KPNA1: variants seen among roughly 807,000 people sequenced by gnomAD.
KPNA1 encodes the protein importin subunit alpha-5.
In KPNA1, 10 loss-of-function variants were observed where a neutral mutation model predicts 70.5. The observed-to-expected ratio is 0.14, with a 90% CI of 0.09 to 0.24. The LOEUF (loss-of-function observed/expected upper bound fraction) is 0.24. KPNA1 is among the 10% of genes least tolerant of loss of function. The pLI, the probability that KPNA1 is intolerant of heterozygous loss-of-function variation, is 1.00. For missense variants in KPNA1, 397 were observed against 637.9 expected, an observed-to-expected ratio of 0.62 and a Z score of 4.07; for synonymous variants, 192 against 221.9, an observed-to-expected ratio of 0.87 and a Z score of 1.20.
Position 122,467,337 on chromosome 3 carries a change from G to A in KPNA1, c.222C>T (p.Asn74=). Residue 74 remains asparagine, a synonymous_variant, in exon 3 of 14, where the codon AAC becomes AAT. Transcript: ENST00000344337. ...ATTATCTTACTGGTGCCATCTCCAT[G>A]TTACTAATCTGAGCCTCATGAAAGC... The part of the protein sequence containing the change: ...DGGFHEAQIS[N]MEMAPGGVIT... 1 of 1,570,728 alleles carries A rather than the reference G, an allele frequency of 6.4e-7. No homozygotes were observed. The highest frequency in any genetic ancestry group is 8.8e-7 in the Non-Finnish European group (1 of 1,142,794).
rs947517833 is a variant in KPNA1, at chr3:122,488,597, T to G, written c.129+7840A>C. Among the ~76,000 whole-genome samples the G allele has an allele frequency of 2.0e-5, 3 of 152,236 alleles. No homozygotes were observed. In the East Asian group the frequency reaches 5.8e-4, roughly 29 times the overall value. Reference sequence around the variant, plus strand: ...TTTACAGATAAAATAATTTGATAGCTGGGATTTGCTCAAGTAATCCAGGAC... The same window carrying G: ...TTTACAGATAAAATAATTTGATAGCGGGGATTTGCTCAAGTAATCCAGGAC... On this transcript the variant is annotated intron_variant, in intron 2 of 13. Coordinates refer to ENST00000344337, the MANE Select transcript of KPNA1 (RefSeq NM_002264.4).
chr3:122,473,657 GA>G (rs1297872515), intron 2 of KPNA1, among the ~76,000 whole-genome samples: 1 of 151,828 alleles, frequency 6.6e-6, no homozygotes, highest in Non-Finnish European at 1.5e-5. Flanking sequence ...AGAAGCATAT[GA>G]AAAAAAATCC....
chr3:122,512,002 A>G lies in KPNA1; in HGVS notation c.-6+2755T>C, dbSNP rs2076960399. On this transcript the variant is annotated intron_variant, in intron 1 of 13. Transcript: ENST00000344337. ...ATGTAAAGGGAAAAGGGAAAAGGTA[A>G]AAGGACCATTGAGAGCAACAGAGAA... Among the ~76,000 whole-genome samples, 6 of 152,216 alleles carry G rather than the reference A, an allele frequency of 3.9e-5. No homozygotes were observed. In the South Asian group the frequency reaches 1.2e-3, roughly 32 times the overall value.
At chr3:122,429,781 T>C (rs2075876172) in intron 12 of KPNA1, among the ~76,000 whole-genome samples, 2 of 152,142 alleles carry the variant, frequency 1.3e-5, no homozygotes, top group Admixed American at 6.5e-5. Context: ...AGGAATGACA[T>C]TATCAACTTA....
chr3:122,446,699 C>CA (rs904170651), intron 9 of KPNA1, among the ~76,000 whole-genome samples: 42 of 152,030 alleles, frequency 2.8e-4, no homozygotes, highest in Middle Eastern at 3.4e-3. Context: ...GATACAGACA[C>CA]AAAAAACCCT....
Position 122,498,124 on chromosome 3 carries a change from GAA to G in KPNA1, c.-5-1556_-5-1555del, listed in dbSNP as rs554648818. On this transcript the variant is annotated intron_variant, in intron 1 of 13. Coordinates refer to ENST00000344337, the MANE Select transcript of KPNA1 (RefSeq NM_002264.4). ...TCCAGCTGTCCCAACAATACTTGTT[GAA>G]AAGACTCCTCTTTCTCCACAGAATG... is the stretch of plus-strand genomic sequence containing the variant. 2.1e-3 allele frequency among the ~76,000 whole-genome samples: 320 copies of G among 152,256 alleles called. 2 individuals are homozygous for G. The highest frequency in any genetic ancestry group is 4.1e-3 in the Non-Finnish European group (276 of 68,020).
At chr3:122,486,850 G>A (rs1369422049) in intron 2 of KPNA1, among the ~76,000 whole-genome samples, 2 of 152,148 alleles carry the variant, frequency 1.3e-5, no homozygotes, top group Non-Finnish European at 2.9e-5. Flanking sequence ...GCCTCCCAAA[G>A]TGCTGGGATT....
At chr3:122,472,269 C>T (rs1010492995) in intron 2 of KPNA1, among the ~76,000 whole-genome samples, 5 of 151,820 alleles carry the variant, frequency 3.3e-5, no homozygotes, top group African/African-American at 4.8e-5. Context: ...AATTACAAAT[C>T]AATAACAGAA....
intron 4 of KPNA1, among the ~76,000 whole-genome samples, chr3:122,462,391 T>C (rs529326766): frequency 1.3e-5 from 2 of 152,306 alleles, no homozygotes; most frequent in South Asian, 4.1e-4. Flanking sequence ...ATGCCATGAC[T>C]ATCAAAATAA....
At chr3:122,453,164 C>T (rs1279392475) in intron 6 of KPNA1, among the ~76,000 whole-genome samples, 2 of 152,106 alleles carry the variant, frequency 1.3e-5, no homozygotes, top group Non-Finnish European at 2.9e-5. Context: ...TGGCTGGTCT[C>T]GAGCTCCTGG....
At position 122,423,788 on chromosome 3, in the gene KPNA1, GATTA is replaced by G. The variant is rs1227231595; in HGVS notation, c.*3193_*3196del. 3 of 152,556 alleles carry G rather than the reference GATTA, an allele frequency of 2.0e-5. No homozygotes were observed. The highest frequency in any genetic ancestry group is 4.4e-5 in the Non-Finnish European group (3 of 68,016). 9.5% of individuals were successfully genotyped at this position (152,556 alleles called of 1,614,324 possible). The stretch of plus-strand genomic sequence containing the variant: ...CTGGAATAATTCAGATTTTTTATGA[GATTA>G]ATTGCCAATCTTTTTATCTGTGACG... On this transcript the variant is annotated 3_prime_UTR_variant, in exon 14 of 14. Transcript: ENST00000344337.
At chr3:122,438,577 G>A (rs544127201) in intron 10 of KPNA1, among the ~76,000 whole-genome samples, 26 of 151,672 alleles carry the variant, frequency 1.7e-4, no homozygotes, top group Non-Finnish European at 3.4e-4. Flanking sequence ...GTAGAGACAG[G>A]GTTTCTCCAT....
chr3:122,507,378 T>G (rs1007118114), intron 1 of KPNA1, among the ~76,000 whole-genome samples: 2 of 150,192 alleles, frequency 1.3e-5, no homozygotes, highest in Non-Finnish European at 3.0e-5. Flanking sequence ...ATGGCAGAGG[T>G]TGCAGTGAGC....
intron 13 of KPNA1, 159 bp from the exon 14 acceptor site, chr3:122,427,331 A>G: frequency 2.7e-6 from 2 of 735,222 alleles, no homozygotes; most frequent in Admixed American, 2.9e-5. Context: ...TAGCACAGAA[A>G]TGACTGCTGG....
At chr3:122,483,509 T>G (rs1191807455) in intron 2 of KPNA1, among the ~76,000 whole-genome samples, 1 of 152,108 alleles carries the variant, frequency 6.6e-6, no homozygotes, top group East Asian at 1.9e-4. Context: ...CACACCTGGC[T>G]AATTTTTGTA....
In KPNA1 at chr3:122,435,766, T is replaced by C. The variant is rs2075976419; in HGVS notation, c.1122+1404A>G. ...ATCACCTCCCCAATCAATACTCTTA[T>C]AATTTCCTATGCCTATCTTTACTTT... On this transcript the variant is annotated intron_variant, in intron 11 of 13. Coordinates refer to ENST00000344337, the MANE Select transcript of KPNA1 (RefSeq NM_002264.4). Among the ~76,000 whole-genome samples the C allele has an allele frequency of 2.0e-5, 3 of 152,368 alleles. No individual in the cohort carries two copies. In the South Asian group the frequency reaches 6.2e-4, roughly 32 times the overall value.
At position 122,426,699 on chromosome 3, in the gene KPNA1, A is replaced by T; in HGVS notation, c.*286T>A. On this transcript the variant is annotated 3_prime_UTR_variant, in exon 14 of 14. Transcript: ENST00000344337. ...AAGGGAGCCACATTAATATGTGTAT[A>T]TTCCCATAACTCTAATGTAAGTGCG... 1 of 299,224 alleles carries T rather than the reference A, an allele frequency of 3.3e-6. No homozygotes were observed. The highest frequency in any genetic ancestry group is 6.2e-6 in the Non-Finnish European group (1 of 162,208). 18.5% of individuals were successfully genotyped at this position (299,224 alleles called of 1,614,324 possible).
chr3:122,513,439 CTT>C (rs1451735562), intron 1 of KPNA1, among the ~76,000 whole-genome samples: 1 of 152,146 alleles, frequency 6.6e-6, no homozygotes, highest in Non-Finnish European at 1.5e-5. Flanking sequence ...ATTTTCATCT[CTT>C]TGATCTTTAA....
rs903288931 is a variant in KPNA1 at position 122,424,504 on chromosome 3, G to T, written c.*2481C>A. On this transcript the variant is annotated 3_prime_UTR_variant, in exon 14 of 14. Transcript: ENST00000344337. The stretch of plus-strand genomic sequence containing the variant: ...TTGTTAAAAAAGAAAAAAAAACTTA[G>T]ATCTTATAGTTCATGAACTTCTAGG... 2.0e-5 allele frequency: 3 copies of T among 152,554 alleles called. No homozygotes were observed. The highest frequency in any genetic ancestry group is 2.0e-4 in the Admixed American group (3 of 15,282). 9.5% of individuals were successfully genotyped at this position (152,554 alleles called of 1,614,324 possible).
Sources: allele counts gnomAD v4.1 joint callset (sites outside exome capture counted in the v4.1 genomes callset), GRCh38; gene constraint gnomAD v4.1.1; transcripts MANE v1.5; gene names NCBI Gene and HGNC (gene_info 2026-07-23, HGNC 2026-07-21).